Variants in TSNARE1 observed in about 807,000 individuals in gnomAD.
TSNARE1 encodes t-SNARE domain-containing protein 1.
TSNARE1 carries 49 observed loss-of-function variants against 62.0 expected under a neutral mutation model. The ratio of observed to expected loss-of-function variants is 0.79; its 90% CI spans 0.63 to 1.00. The LOEUF (loss-of-function observed/expected upper bound fraction) is 1.00, where lower values mean the gene tolerates loss of function less well. Among genes scored for constraint, TSNARE1 ranks in the 50% least tolerant of loss-of-function variants. TSNARE1 has a pLI of 0.00. For missense variants in TSNARE1, 755 were observed against 700.1 expected, an observed-to-expected ratio of 1.08 and a Z score of -0.88; for synonymous variants, 328 against 294.4, an observed-to-expected ratio of 1.11 and a Z score of -1.17.
intron 2 of TSNARE1, among the ~76,000 whole-genome samples, chr8:142,354,274 G>A (rs899054378): frequency 6.6e-6 from 1 of 152,104 alleles, no homozygotes; most frequent in Non-Finnish European, 1.5e-5. Flanking sequence ...TGTACAGAGT[G>A]CAAAGTGCCA....
intron 1 of TSNARE1, among the ~76,000 whole-genome samples, chr8:142,378,232 C>T (rs146866339): frequency 3.5e-4 from 54 of 152,304 alleles, no homozygotes; most frequent in Non-Finnish European, 6.3e-4. Context: ...AGGGAGAAGG[C>T]GCGGACGCCA....
chr8:142,292,913 G>C (rs1430899108), intron 10 of TSNARE1, among the ~76,000 whole-genome samples: 1 of 152,110 alleles, frequency 6.6e-6, no homozygotes, highest in Non-Finnish European at 1.5e-5. Flanking sequence ...GCACAACCCT[G>C]TCAGTCGGGC....
chr8:142,381,925 C>T (rs772095156), intron 1 of TSNARE1, among the ~76,000 whole-genome samples: 12 of 152,184 alleles, frequency 7.9e-5, no homozygotes, highest in South Asian at 2.1e-4. Context: ...GGCTCATGCC[C>T]GCACCCACTC....
chr8:142,405,706 C>G (rs1838575108), upstream of TSNARE1: 1 of 144,564 alleles, frequency 6.9e-6, no homozygotes, highest in Non-Finnish European at 1.5e-5. Flanking sequence ...CACCCTTCCT[C>G]TCTACCCTCT....
intron 2 of TSNARE1, among the ~76,000 whole-genome samples, chr8:142,346,419 C>T (rs908362226): frequency 2.6e-5 from 4 of 152,254 alleles, no homozygotes; most frequent in Admixed American, 2.6e-4. Context: ...TCCCAGCCCC[C>T]GCACGGAACG....
At chr8:142,367,696 C>T (rs1416153040) in intron 1 of TSNARE1, among the ~76,000 whole-genome samples, 2 of 152,114 alleles carry the variant, frequency 1.3e-5, no homozygotes, top group Non-Finnish European at 2.9e-5. Context: ...AATTACAATG[C>T]TATTATAAAA....
chr8:142,326,720 G>C (rs911378928), intron 6 of TSNARE1, among the ~76,000 whole-genome samples: 1 of 152,224 alleles, frequency 6.6e-6, no homozygotes, highest in Non-Finnish European at 1.5e-5. Flanking sequence ...AGGCCCTGGA[G>C]AGCATGGGCT....
In TSNARE1 at chr8:142,222,344, C is replaced by T. The variant is rs926780562; in HGVS notation, c.*11+7129G>A. On this transcript the variant is annotated intron_variant, in intron 13 of 13. Coordinates refer to ENST00000524325, the MANE Select transcript of TSNARE1 (RefSeq NM_145003.5). ...CTAATTCACTCACTCGCTCACTCAT[C>T]CACTCACTCACTCACTCATCCACTA... 2.7e-4 allele frequency among the ~76,000 whole-genome samples: 4 copies of T among 14,648 alleles called. 1 individual carries two copies. In the South Asian group the frequency reaches 7.4e-3, roughly 27 times the overall value. The allele number at this position is 14,648 out of a possible 152,430, so 9.6% of individuals were successfully genotyped here. A position where few individuals can be genotyped will look rare whatever the true frequency, so the allele number is the denominator to read the frequency against.
intron 12 of TSNARE1, among the ~76,000 whole-genome samples, chr8:142,254,582 C>T (rs956270379): frequency 6.6e-6 from 1 of 152,172 alleles, no homozygotes; most frequent in African/African-American, 2.4e-5. Flanking sequence ...TGGCTCATCC[C>T]CCTCCCTCCA....
At chr8:142,254,593 G>A (rs1189517033) in intron 12 of TSNARE1, among the ~76,000 whole-genome samples, 1 of 152,088 alleles carries the variant, frequency 6.6e-6, no homozygotes, top group African/African-American at 2.4e-5. Flanking sequence ...CCTCCCTCCA[G>A]CACCCCCTGG....
intron 6 of TSNARE1, among the ~76,000 whole-genome samples, chr8:142,321,415 A>G (rs1181840600): frequency 6.6e-6 from 1 of 152,252 alleles, no homozygotes; most frequent in Non-Finnish European, 1.5e-5. Flanking sequence ...CAGTGTCCAG[A>G]AAGTCCACCT....
chr8:142,232,120 G>A lies in TSNARE1; in HGVS notation c.1447-2541C>T, dbSNP rs532807361. Among the ~76,000 whole-genome samples, 21 of 152,326 alleles carry A rather than the reference G, an allele frequency of 1.4e-4. No individual in the cohort carries two copies. In the South Asian group the frequency reaches 2.5e-3, roughly 18 times the overall value. ...CCTTGAGCACAGTGCTGGGCCTCTC[G>A]GCAGCAGCAGTTCCCGGCCTTTGAC... On this transcript the variant is annotated intron_variant, in intron 12 of 13. Transcript: ENST00000524325.
chr8:142,273,944 T>C (rs1586938110), intron 12 of TSNARE1: 1 of 985,234 alleles, frequency 1.0e-6, no homozygotes, highest in Non-Finnish European at 1.2e-6. Context: ...TCCTGGACCC[T>C]GGCCTCACAC....
At chr8:142,276,517 T>C (rs1435559598) in intron 11 of TSNARE1, 2 of 985,450 alleles carry the variant, frequency 2.0e-6, no homozygotes, top group Non-Finnish European at 2.4e-6. Context: ...GAGAGGTGAA[T>C]GTGGACAGTG....
At chr8:142,249,208 A>G (rs944366636) in intron 12 of TSNARE1, among the ~76,000 whole-genome samples, 3 of 152,242 alleles carry the variant, frequency 2.0e-5, no homozygotes, top group African/African-American at 4.8e-5. Context: ...AAGCCTAGAT[A>G]TGCTCTACAA....
intron 9 of TSNARE1, among the ~76,000 whole-genome samples, chr8:142,308,990 T>C (rs866750473): frequency 6.6e-6 from 1 of 152,246 alleles, no homozygotes; most frequent in Non-Finnish European, 1.5e-5. Context: ...TAATGTGGCA[T>C]GTTTTTTAAT....
At chr8:142,220,454 T>G (rs549486066) in intron 13 of TSNARE1, among the ~76,000 whole-genome samples, 19 of 152,004 alleles carry the variant, frequency 1.2e-4, no homozygotes, top group African/African-American at 4.6e-4. Flanking sequence ...GGAGAGATCT[T>G]GATGGAGAAG....
At chr8:142,360,567 G>T (rs953549252) in intron 1 of TSNARE1, among the ~76,000 whole-genome samples, 1 of 152,152 alleles carries the variant, frequency 6.6e-6, no homozygotes, top group Admixed American at 6.5e-5. Context: ...AGCTGCTTCC[G>T]TGCCCGCCGA....
chr8:142,261,446 G>A (rs776130427), intron 12 of TSNARE1, among the ~76,000 whole-genome samples: 6 of 150,990 alleles, frequency 4.0e-5, no homozygotes, highest in South Asian at 2.1e-4. Flanking sequence ...AGGGAGGACC[G>A]GGGAGGGAGA....
Sources: gnomAD v4.1 joint callset for allele counts (sites outside exome capture counted in the v4.1 genomes callset) on GRCh38, gnomAD v4.1.1 for gene constraint, MANE v1.5 for transcripts, NCBI Gene and HGNC (gene_info 2026-07-23, HGNC 2026-07-21) for gene names.